ARFGAP3: variants seen among roughly 807,000 people sequenced by gnomAD.
ARFGAP3 encodes ARF GTPase activating protein 3.
ARFGAP3 carries 72 observed loss-of-function variants against 75.0 expected under a neutral mutation model. The ratio of observed to expected loss-of-function variants is 0.96; its 90% CI spans 0.79 to 1.17. The LOEUF (loss-of-function observed/expected upper bound fraction) is 1.17, where lower values mean the gene tolerates loss of function less well. ARFGAP3 is among the 50% of genes most tolerant of loss of function. The pLI, the probability that ARFGAP3 is intolerant of heterozygous loss-of-function variation, is 0.00. For missense variants in ARFGAP3, 620 were observed against 626.6 expected (o/e 0.99, Z 0.11); for synonymous variants, 221 against 217.9 (o/e 1.01, Z -0.13).
At chr22:42,854,399 C>T (rs777135692) in intron 1 of ARFGAP3, among the ~76,000 whole-genome samples, 8 of 152,120 alleles carry the variant, frequency 5.3e-5, no homozygotes, top group African/African-American at 1.4e-4. Flanking sequence ...CTGAGACAGG[C>T]GGATCACTTT....
At chr22:42,807,495 CT>C (rs1266790447) in intron 13 of ARFGAP3, among the ~76,000 whole-genome samples, 1 of 152,186 alleles carries the variant, frequency 6.6e-6, no homozygotes, top group Non-Finnish European at 1.5e-5. Context: ...CTAAGAGTCT[CT>C]TTTCCAAGCC....
chr22:42,799,372 G>T, intron 14 of ARFGAP3: 1 of 367,538 alleles, frequency 2.7e-6, no homozygotes, highest in South Asian at 1.1e-4. Context: ...AATGTAGTAT[G>T]GGGGACTTAA....
intron 14 of ARFGAP3, among the ~76,000 whole-genome samples, chr22:42,801,774 G>A (rs904335377): frequency 5.9e-5 from 9 of 152,240 alleles, no homozygotes; most frequent in Non-Finnish European, 1.2e-4. Context: ...CAAGGGCACA[G>A]AAATGAGAAC....
rs953367086 is a variant in ARFGAP3 at position 42,836,338 on chromosome 22, A to C, written c.262-845T>G. On this transcript the variant is annotated intron_variant, in intron 3 of 15. Transcript: ENST00000263245. ...CTAGGCTGGAGGGTAGTGTGGCATG[A>C]TCATGGCTCACTGCAGCCTCCAACT... is the stretch of plus-strand genomic sequence containing the variant. Among the ~76,000 whole-genome samples, 6 of 151,978 alleles carry C rather than the reference A, an allele frequency of 3.9e-5. No individual in the cohort carries two copies. The South Asian group carries it at 1.2e-3, about 32-fold the overall frequency.
At chr22:42,804,650 G>A (rs1358869782) in intron 14 of ARFGAP3, among the ~76,000 whole-genome samples, 1 of 152,122 alleles carries the variant, frequency 6.6e-6, no homozygotes, top group East Asian at 1.9e-4. Context: ...AAAGTACTGG[G>A]ATTACAGGCG....
chr22:42,841,163 T>C (rs1004585924), intron 2 of ARFGAP3, 147 bp from the exon 3 acceptor site: 2 of 1,428,146 alleles, frequency 1.4e-6, no homozygotes, highest in Non-Finnish European at 1.8e-6. Context: ...TTTGGGATGC[T>C]AGGACTCCAG....
chr22:42,822,182 A>C, intron 9 of ARFGAP3, 88 bp downstream of exon 9: 14 of 1,020,358 alleles, frequency 1.4e-5, no homozygotes, highest in Non-Finnish European at 1.2e-5. Flanking sequence ...CCCCCCCCAC[A>C]CAAAAATACA....
At chr22:42,848,507 C>A (rs557747405) in intron 1 of ARFGAP3, among the ~76,000 whole-genome samples, 1 of 152,218 alleles carries the variant, frequency 6.6e-6, no homozygotes, top group Non-Finnish European at 1.5e-5. Flanking sequence ...CGCGCCCGGG[C>A]TATCATGTAT....
intron 10 of ARFGAP3, 138 bp downstream of exon 10, chr22:42,817,591 C>T: frequency 1.2e-6 from 1 of 845,310 alleles, no homozygotes. Flanking sequence ...AATACCAGAG[C>T]AAAGCAAAAA....
intron 7 of ARFGAP3, among the ~76,000 whole-genome samples, chr22:42,825,845 C>T (rs1926015559): frequency 6.6e-6 from 1 of 151,960 alleles, no homozygotes; most frequent in African/African-American, 2.4e-5. Context: ...GTCTAAGAAA[C>T]CCAGCAAAAT....
At chr22:42,822,211 AT>A in intron 9 of ARFGAP3, 58 bp downstream of exon 9, 1 of 1,471,778 alleles carries the variant, frequency 6.8e-7, no homozygotes, top group Non-Finnish European at 9.3e-7. Flanking sequence ...GGAAAGCAAA[AT>A]CTTGAGTTAA....
At chr22:42,799,012 C>T in intron 15 of ARFGAP3, 27 bp downstream of exon 15, 1 of 1,597,414 alleles carries the variant, frequency 6.3e-7, no homozygotes, top group East Asian at 2.2e-5. Flanking sequence ...CCGTCATAGC[C>T]AGTGAGCACT....
At chr22:42,847,308 A>G in intron 2 of ARFGAP3, 1 of 489,006 alleles carries the variant, frequency 2.0e-6, no homozygotes, top group Non-Finnish European at 3.7e-6. Context: ...CTAGGACTAG[A>G]GTTATACATC....
At position 42,807,129 on chromosome 22, in the gene ARFGAP3, G is replaced by T. The variant is rs766288882; in HGVS notation, c.1355C>A (p.Ala452Glu). ...ATCAGCCGAGCTTATGGAGGAACTTGCCGACAGCCTCTCTAGGCGGGCCCT... is the reference window on the plus strand; with the variant it reads ...ATCAGCCGAGCTTATGGAGGAACTTTCCGACAGCCTCTCTAGGCGGGCCCT... Reference protein sequence around the residue: ...ETRARLERLSASSSISSADLF... With the variant: ...ETRARLERLSESSSISSADLF... The change falls in exon 14 of 16, where the codon GCA becomes GAA. Residue 452 changes from alanine to glutamate, a missense_variant. Physicochemically the swap from Ala to Glu is moderately radical, Grantham distance 107 (BLOSUM62 -1). Transcript: ENST00000263245. The T allele has an allele frequency of 6.2e-7, 1 of 1,612,962 alleles. No homozygotes were observed. The highest frequency in any genetic ancestry group is 1.1e-5 in the South Asian group (1 of 90,742).
In ARFGAP3 at chr22:42,831,647, G is replaced by C; in HGVS notation, c.478-11C>G. ...CGCTGTGTCACTCACCTGAAACAAG[G>C]CGAGAAAAGTCATTAGCAGACAAAG... On this transcript the variant is annotated splice_polypyrimidine_tract_variant and intron_variant, in intron 5 of 15. Transcript: ENST00000263245. 3.7e-6 allele frequency: 6 copies of C among 1,613,748 alleles called. No homozygotes were observed. The highest frequency in any genetic ancestry group is 1.1e-5 in the South Asian group (1 of 91,030).
Position 42,835,507 on chromosome 22 carries a change from C to A in ARFGAP3, c.262-14G>T. 1 of 1,613,098 alleles carries A rather than the reference C, an allele frequency of 6.2e-7. No individual in the cohort carries two copies. Among genetic ancestry groups the A allele is most frequent in the Non-Finnish European group, 8.5e-7 (1 of 1,179,394 alleles). ...AAAAAAGGAAGACTACAGAGAAAAGCATGCACATTAATATTTTCGTAAAAC... is the reference window on the plus strand; with the variant it reads ...AAAAAAGGAAGACTACAGAGAAAAGAATGCACATTAATATTTTCGTAAAAC... On this transcript the variant is annotated splice_polypyrimidine_tract_variant and intron_variant, in intron 3 of 15. Coordinates refer to ENST00000263245, the MANE Select transcript of ARFGAP3 (RefSeq NM_014570.5).
intron 11 of ARFGAP3, 156 bp from the exon 12 acceptor site, chr22:42,811,100 G>A (rs1396851403): frequency 7.4e-6 from 6 of 810,274 alleles, no homozygotes; most frequent in Non-Finnish European, 7.5e-6. Flanking sequence ...CACGAGGTGT[G>A]TCATTTCCAA....
intron 7 of ARFGAP3, among the ~76,000 whole-genome samples, chr22:42,825,859 A>C (rs970628594): frequency 2.0e-5 from 3 of 152,216 alleles, no homozygotes; most frequent in Non-Finnish European, 4.4e-5. Flanking sequence ...GCAAAATTAA[A>C]GTCTTAATTT....
chr22:42,818,009 C>T, intron 9 of ARFGAP3, 152 bp from the exon 10 acceptor site: 1 of 1,120,700 alleles, frequency 8.9e-7, no homozygotes, highest in Non-Finnish European at 1.2e-6. Context: ...GTTTTTTCTA[C>T]CTGCCTTTTT....
Sources: gnomAD v4.1 joint callset for allele counts (sites outside exome capture counted in the v4.1 genomes callset) on GRCh38, gnomAD v4.1.1 for gene constraint, MANE v1.5 for transcripts, NCBI Gene and HGNC (gene_info 2026-07-23, HGNC 2026-07-21) for gene names.